ANKS1B: variants seen among roughly 807,000 people sequenced by gnomAD.
The protein encoded by ANKS1B is ankyrin repeat and sterile alpha motif domain-containing protein 1B.
ANKS1B carries 36 observed loss-of-function variants against 148.3 expected under a neutral mutation model. The observed-to-expected ratio is 0.24, with a 90% CI of 0.19 to 0.32. The LOEUF is 0.32. ANKS1B is among the 10% of genes least tolerant of loss of function. The pLI is 1.00. For missense variants in ANKS1B, 1,157 were observed against 1,542.6 expected (o/e 0.75, Z 4.19); for synonymous variants, 542 against 560.8 (o/e 0.97, Z 0.47).
chr12:99,651,807 T>C (rs1213269861), intron 9 of ANKS1B, among the ~76,000 whole-genome samples: 2 of 151,890 alleles, frequency 1.3e-5, no homozygotes, highest in Admixed American at 1.3e-4. Context: ...CAGAAAAAGA[T>C]TTAAAAATTA....
chr12:99,538,241 T>A (rs2097092486), intron 9 of ANKS1B, among the ~76,000 whole-genome samples: 1 of 151,992 alleles, frequency 6.6e-6, no homozygotes, highest in South Asian at 2.1e-4. Flanking sequence ...GCTATTCTGG[T>A]TTTTTTGTGG....
chr12:98,926,622 A>T (rs1364248519), intron 17 of ANKS1B, among the ~76,000 whole-genome samples: 1 of 152,164 alleles, frequency 6.6e-6, no homozygotes, highest in Non-Finnish European at 1.5e-5. Context: ...TTACTATAGG[A>T]GACATGTCTA....
At chr12:98,908,469 G>A (rs1489924782) in intron 17 of ANKS1B, among the ~76,000 whole-genome samples, 1 of 152,076 alleles carries the variant, frequency 6.6e-6, no homozygotes, top group Non-Finnish European at 1.5e-5. Flanking sequence ...ACACTGGGGT[G>A]GTTCCCTAAC....
chr12:98,762,622 G>C (rs1029173524), intron 25 of ANKS1B, among the ~76,000 whole-genome samples: 1 of 152,226 alleles, frequency 6.6e-6, no homozygotes, highest in African/African-American at 2.4e-5. Flanking sequence ...TGCCTGGTGA[G>C]TTACTGCTTA....
At chr12:99,799,764 C>T (rs747003426) in intron 4 of ANKS1B, among the ~76,000 whole-genome samples, 4 of 152,014 alleles carry the variant, frequency 2.6e-5, no homozygotes, top group Non-Finnish European at 4.4e-5. Context: ...AGGCAGAGGC[C>T]TGGAGGTAGG....
At chr12:98,922,063 A>G (rs952982923) in intron 17 of ANKS1B, among the ~76,000 whole-genome samples, 1 of 152,218 alleles carries the variant, frequency 6.6e-6, no homozygotes, top group Non-Finnish European at 1.5e-5. Context: ...TTCCTTTCAC[A>G]CATTCAGAGT....
chr12:99,124,614 A>T (rs2153734225), intron 15 of ANKS1B, among the ~76,000 whole-genome samples: 1 of 152,258 alleles, frequency 6.6e-6, no homozygotes, highest in South Asian at 2.1e-4. Context: ...CAGTTTATAG[A>T]TGTAATGTAA....
At chr12:99,460,996 A>C (rs2095953200) in intron 10 of ANKS1B, among the ~76,000 whole-genome samples, 1 of 151,980 alleles carries the variant, frequency 6.6e-6, no homozygotes, top group Non-Finnish European at 1.5e-5. Context: ...GAACCAGCCC[A>C]AATGCCCATC....
intron 1 of ANKS1B, among the ~76,000 whole-genome samples, chr12:99,858,428 A>G (rs61940315): frequency 0.2 from 29,807 of 152,120 alleles, 3,217 homozygotes; most frequent in Non-Finnish European, 0.25. Context: ...TGTTGGTGGG[A>G]ATGTAAACTA....
intron 25 of ANKS1B, among the ~76,000 whole-genome samples, chr12:98,754,173 C>T (rs1453884113): frequency 6.6e-6 from 1 of 152,214 alleles, no homozygotes; most frequent in East Asian, 1.9e-4. Flanking sequence ...AGATACTGCA[C>T]CTTGCACAGC....
intron 9 of ANKS1B, among the ~76,000 whole-genome samples, chr12:99,621,224 A>T (rs1386014855): frequency 3.9e-5 from 6 of 152,086 alleles, no homozygotes; most frequent in African/African-American, 1.4e-4. Flanking sequence ...CACTAGACCA[A>T]CCTTACAAGA....
intron 17 of ANKS1B, among the ~76,000 whole-genome samples, chr12:98,947,913 G>T (rs1211458070): frequency 6.6e-6 from 1 of 152,110 alleles, no homozygotes; most frequent in East Asian, 1.9e-4. Context: ...CTAATTGTCT[G>T]GTAGTTACTG....
intron 17 of ANKS1B, among the ~76,000 whole-genome samples, chr12:98,851,890 G>A (rs2099528994): frequency 6.6e-6 from 1 of 151,964 alleles, no homozygotes; most frequent in African/African-American, 2.4e-5. Flanking sequence ...TGGGCATGGT[G>A]GTGCACGCCT....
At chr12:99,976,600 A>G (rs1438115301) in intron 1 of ANKS1B, among the ~76,000 whole-genome samples, 1 of 152,200 alleles carries the variant, frequency 6.6e-6, no homozygotes, top group Non-Finnish European at 1.5e-5. Context: ...AGTTTGTTTC[A>G]GTTCAGTTAA....
chr12:99,298,364 T>A (rs546848472), intron 12 of ANKS1B, among the ~76,000 whole-genome samples: 4 of 152,210 alleles, frequency 2.6e-5, no homozygotes, highest in East Asian at 3.9e-4. Flanking sequence ...ACAAGTCTCA[T>A]GAGATCTGAT....
chr12:99,274,559 C>T (rs2077450191), intron 12 of ANKS1B, among the ~76,000 whole-genome samples: 1 of 152,154 alleles, frequency 6.6e-6, no homozygotes, highest in African/African-American at 2.4e-5. Context: ...GACGATCTAC[C>T]CAGCGCTTCT....
chr12:99,486,457 T>C (rs1389193716), intron 10 of ANKS1B, among the ~76,000 whole-genome samples: 4 of 49,458 alleles, frequency 8.1e-5, no homozygotes, highest in Non-Finnish European at 1.7e-4. Context: ...GGCATGTGCT[T>C]ATTTATTTAT....
chr12:98,807,742 T>C (rs1053755322), intron 20 of ANKS1B, 102 bp downstream of exon 20: 2 of 863,182 alleles, frequency 2.3e-6, no homozygotes, highest in Admixed American at 3.0e-5. Flanking sequence ...ATTACAAATT[T>C]TCTGCATTGC....
intron 11 of ANKS1B, among the ~76,000 whole-genome samples, chr12:99,411,635 A>G (rs2094711024): frequency 6.6e-6 from 1 of 152,204 alleles, no homozygotes; most frequent in Non-Finnish European, 1.5e-5. Flanking sequence ...TCTCAAAATG[A>G]TAGCCTACTG....
Sources: allele counts gnomAD v4.1 joint callset (sites outside exome capture counted in the v4.1 genomes callset), GRCh38; gene constraint gnomAD v4.1.1; transcripts MANE v1.5; gene names NCBI Gene and HGNC (gene_info 2026-07-23, HGNC 2026-07-21).